The following GAREM2 variants were observed in gnomAD, a reference collection of about 807,000 sequenced individuals.
GAREM2 encodes GRB2 associated regulator of MAPK1 subtype 2, also known as GRB2-associated and regulator of MAPK protein 2.
In GAREM2, 30 loss-of-function variants were observed where a neutral mutation model predicts 55.6. The ratio of observed to expected loss-of-function variants is 0.54; its 90% CI spans 0.40 to 0.73. GAREM2 has a LOEUF of 0.73. GAREM2 is among the 30% of genes least tolerant of loss of function. The pLI, the probability that GAREM2 is intolerant of heterozygous loss-of-function variation, is 0.00. For synonymous variants in GAREM2, 550 were observed against 569.1 expected (o/e 0.97, Z 0.48); for missense variants, 1,075 against 1,257.7 (o/e 0.85, Z 2.20).
chr2:26,202,013 C>G, the GAREM2 span, among the ~76,000 whole-genome samples: 1 of 150,060 alleles, frequency 6.7e-6, no homozygotes, highest in Non-Finnish European at 1.5e-5. Context: ...CTTGGCCAGG[C>G]TGGTCTTGAA....
chr2:26,191,265 CT>C, downstream of GAREM2: 1 of 1,612,686 alleles, frequency 6.2e-7, no homozygotes, highest in Non-Finnish European at 8.5e-7. Flanking sequence ...GGTAGAACTT[CT>C]TGTTAGGGCT....
rs2147741288 is a variant in GAREM2, at chr2:26,187,327, C to T, written c.1695C>T (p.Ser565=). Residue 565 remains serine (S), a synonymous_variant, in exon 6 of 6, where the codon TCC becomes TCT. Coordinates refer to ENST00000401533, the MANE Select transcript of GAREM2 (RefSeq NM_001168241.2). ...GGGGAGACTGCAAGGTGGGCGAGTCCTCTAGCCGCCCAGCCCCCGGTCCCC... is the reference window on the plus strand; with the variant it reads ...GGGGAGACTGCAAGGTGGGCGAGTCTTCTAGCCGCCCAGCCCCCGGTCCCC... ...CTWGDCKVGE[S]SSRPAPGPLP... is the part of the protein sequence containing the mutation. 6.5e-7 allele frequency: 1 copy of T among 1,536,198 alleles called. No individual in the cohort carries two copies. The highest frequency in any genetic ancestry group is 8.8e-7 in the Non-Finnish European group (1 of 1,138,804).
Position 26,184,484 on chromosome 2 carries a change from G to A in GAREM2, c.636G>A (p.Lys212=), listed in dbSNP as rs755054805. The A allele has an allele frequency of 2.3e-5, 35 of 1,521,824 alleles. No individual in the cohort carries two copies. The highest frequency in any genetic ancestry group is 3.0e-5 in the Non-Finnish European group (34 of 1,134,346). 94.3% of individuals were successfully genotyped at this position (1,521,824 alleles called of 1,614,324 possible). ...GGGGARPVKG[K]MPCLICMNHR... is the part of the protein sequence containing the mutation. ...GGGGCGCCAGGCCGGTCAAAGGCAA[G>A]ATGCCCTGCCTCATCTGCATGAACC... is the stretch of plus-strand genomic sequence containing the variant. Residue 212 remains lysine (K), a synonymous_variant, in exon 4 of 6, where the codon AAG becomes AAA. Transcript: ENST00000401533.
In GAREM2 at chr2:26,179,950, GGGGGAGGAGGCGGGAGTGA is replaced by G. The variant is rs1668989438; in HGVS notation, c.254-3005_254-2987del. Among the ~76,000 whole-genome samples, 1 of 152,080 alleles carries G rather than the reference GGGGGAGGAGGCGGGAGTGA, an allele frequency of 6.6e-6. No individual in the cohort carries two copies. Among genetic ancestry groups the G allele is most frequent in the Non-Finnish European group, 1.5e-5 (1 of 67,998 alleles). On this transcript the variant is annotated intron_variant, in intron 2 of 5. Transcript: ENST00000401533. This position sits in a 1 kb window ranked among gnomAD's most constrained non-coding sequence, Gnocchi z 4.7. ...GGGGGTGGGGGTTGTGTGTGGACTT[GGGGGAGGAGGCGGGAGTGA>G]GGGGAGGAGGCTACTCAGTGCCTGC...
intron 5 of GAREM2, 80 bp from the exon 6 acceptor site, chr2:26,187,151 G>C (rs1172302128): frequency 1.5e-5 from 20 of 1,373,350 alleles, no homozygotes; most frequent in African/African-American, 3.0e-5. Flanking sequence ...GTGGTGCTTG[G>C]TTGCAATGCA....
At chr2:26,182,511 C>T in intron 2 of GAREM2, 1 of 1,545,254 alleles carries the variant, frequency 6.5e-7, no homozygotes, top group Non-Finnish European at 8.8e-7. Context: ...CCATGATCAT[C>T]TGTCCCTACC....
At chr2:26,178,079 G>T (rs1668921083) in intron 2 of GAREM2, among the ~76,000 whole-genome samples, 2 of 152,148 alleles carry the variant, frequency 1.3e-5, no homozygotes, top group Non-Finnish European at 2.9e-5. Context: ...CTTTACAGAG[G>T]CTTCTGTCTT....
chr2:26,182,099 G>C, intron 2 of GAREM2: 1 of 1,081,246 alleles, frequency 9.2e-7, no homozygotes, highest in Non-Finnish European at 1.1e-6. Context: ...ATGCCAGGGC[G>C]GCTCAGAGCT....
At chr2:26,194,993 G>A in the GAREM2 span, 1 of 1,028,048 alleles carries the variant, frequency 9.7e-7, no homozygotes, top group South Asian at 1.3e-5. Flanking sequence ...ATCAAAGTCT[G>A]GTCATTTGCC....
chr2:26,192,253 G>T, downstream of GAREM2: 1 of 894,756 alleles, frequency 1.1e-6, no homozygotes, highest in Non-Finnish European at 1.9e-6. Context: ...GGGCTGGGAA[G>T]CTTTGGGCTG....
At chr2:26,183,631 C>T (rs187685945) in intron 3 of GAREM2, among the ~76,000 whole-genome samples, 19 of 152,234 alleles carry the variant, frequency 1.2e-4, no homozygotes, top group African/African-American at 4.6e-4. Context: ...GAGGCTGAGG[C>T]GGGAGGACTG....
downstream of GAREM2, chr2:26,191,153 C>CT (rs1669483899): frequency 7.7e-7 from 1 of 1,292,548 alleles, no homozygotes; most frequent in Admixed American, 1.7e-5. Flanking sequence ...AGTTTGTCTT[C>CT]TCGTTACTCT....
At chr2:26,180,855 T>G in intron 2 of GAREM2, 1 of 940,814 alleles carries the variant, frequency 1.1e-6, no homozygotes, top group Non-Finnish European at 1.3e-6. Flanking sequence ...TGACCTCAAG[T>G]GATCTGCCCA....
the GAREM2 span, chr2:26,204,303 T>A: frequency 2.2e-6 from 2 of 925,654 alleles, no homozygotes; most frequent in Non-Finnish European, 1.8e-6. Context: ...CAGGCACAAC[T>A]ATAAGGTGTT....
intron 2 of GAREM2, chr2:26,182,419 C>G: frequency 6.5e-7 from 1 of 1,550,036 alleles, no homozygotes; most frequent in Non-Finnish European, 8.7e-7. Flanking sequence ...AAGGGCTGGG[C>G]CAGGCCCTGG....
At chr2:26,186,118 G>C (rs1485100694) in intron 4 of GAREM2, 71 bp from the exon 5 acceptor site, 6 of 1,404,996 alleles carry the variant, frequency 4.3e-6, no homozygotes, top group Non-Finnish European at 5.7e-6. Context: ...TCGCCCAGCT[G>C]CTTGGGAAGG....
Position 26,184,972 on chromosome 2 carries a change from C to T in GAREM2, c.1124C>T (p.Pro375Leu), listed in dbSNP as rs1669186760. Reference protein sequence around the residue: ...PAELAEDCASPRRARLCLPAP... With the variant: ...PAELAEDCASLRRARLCLPAP... ...GAGCTCGCCGAAGACTGCGCCAGCC[C>T]GCGCCGCGCGCGCCTCTGCCTGCCC... Residue 375 changes from proline (P) to leucine (L), a missense_variant, in exon 4 of 6, where the codon CCG becomes CTG. Around this residue, in one of 6 missense-constraint regions of GAREM2, gnomAD observed 515 missense variants for 501.5 expected, o/e 1.03. Transcript: ENST00000401533. The T allele has an allele frequency of 8.4e-7, 1 of 1,193,120 alleles. No individual in the cohort carries two copies. Among genetic ancestry groups the T allele is most frequent in the South Asian group, 4.0e-5 (1 of 25,178 alleles). The allele number at this position is 1,193,120 out of a possible 1,614,324, so 73.9% of individuals were successfully genotyped here. A position where few individuals can be genotyped will look rare whatever the true frequency, so the allele number is the denominator to read the frequency against.
At chr2:26,186,109 C>T (rs557237676) in intron 4 of GAREM2, 80 bp from the exon 5 acceptor site, 9 of 1,354,122 alleles carry the variant, frequency 6.6e-6, no homozygotes, top group South Asian at 3.0e-5. Context: ...ACAGCCCCCT[C>T]GCCCAGCTGC....
chr2:26,179,024 G>GGCCGGCTGCGGAC lies in GAREM2; in HGVS notation c.253+2541_253+2553dup, dbSNP rs2147725333. On this transcript the variant is annotated intron_variant, in intron 2 of 5. Transcript: ENST00000401533. The surrounding 1 kb of genome is among the most constrained non-coding windows in gnomAD (Gnocchi z 4.7). ...TAATGGCGCTCGGGCGGGCGGGGGT[G>GGCCGGCTGCGGAC]GCCGGCTGCGGACCGCGGAGAGAGC... Among the ~76,000 whole-genome samples, 1 of 152,156 alleles carries GGCCGGCTGCGGAC rather than the reference G, an allele frequency of 6.6e-6. No homozygotes were observed. Among genetic ancestry groups the GGCCGGCTGCGGAC allele is most frequent in the Non-Finnish European group, 1.5e-5 (1 of 67,986 alleles).
Sources: gnomAD v4.1 joint callset for allele counts (sites outside exome capture counted in the v4.1 genomes callset) on GRCh38, gnomAD v4.1.1 for gene constraint, gnomAD v4.1.1 regional missense constraint, Gnocchi (gnomAD v3.1) non-coding constraint, MANE v1.5 for transcripts, NCBI Gene and HGNC (gene_info 2026-07-23, HGNC 2026-07-21) for gene names.